GMDS: variants seen among roughly 807,000 people sequenced by gnomAD.
The protein encoded by GMDS is GDP-mannose 4,6 dehydratase.
A neutral mutation model predicts 49.9 loss-of-function variants in GMDS; 20 were observed. The observed-to-expected ratio is 0.40, with a 90% CI of 0.28 to 0.58. The LOEUF (loss-of-function observed/expected upper bound fraction) is 0.58. Among genes scored for constraint, GMDS ranks in the 20% least tolerant of loss-of-function variants. The pLI is 0.42. For missense variants in GMDS, 362 were observed against 481.4 expected, an observed-to-expected ratio of 0.75 and a Z score of 2.32; for synonymous variants, 177 against 178.6, an observed-to-expected ratio of 0.99 and a Z score of 0.07.
At chr6:1,848,067 C>T (rs1177229001) in intron 7 of GMDS, among the ~76,000 whole-genome samples, 1 of 152,170 alleles carries the variant, frequency 6.6e-6, no homozygotes, top group South Asian at 2.1e-4. Flanking sequence ...AGAAGGCAGG[C>T]ACTGCTGTTA....
At chr6:2,032,945 T>G (rs537634584) in intron 4 of GMDS, among the ~76,000 whole-genome samples, 1 of 152,324 alleles carries the variant, frequency 6.6e-6, no homozygotes, top group South Asian at 2.1e-4. Context: ...CTGGAACTTC[T>G]CAAATTTCAT....
chr6:2,090,986 C>T (rs951163687), intron 4 of GMDS, among the ~76,000 whole-genome samples: 6 of 152,182 alleles, frequency 3.9e-5, no homozygotes, highest in African/African-American at 1.4e-4. Flanking sequence ...TTAGGGTGTA[C>T]ACTGTGGACT....
intron 9 of GMDS, among the ~76,000 whole-genome samples, chr6:1,648,292 C>A (rs1267355409): frequency 6.6e-6 from 1 of 152,190 alleles, no homozygotes; most frequent in East Asian, 1.9e-4. Flanking sequence ...ACGCTGGATA[C>A]ATTTCATGTT....
chr6:1,714,456 C>G (rs995975129), intron 9 of GMDS, among the ~76,000 whole-genome samples: 11 of 151,740 alleles, frequency 7.2e-5, no homozygotes, highest in Non-Finnish European at 1.3e-4. Context: ...AAAGGAATAT[C>G]ATGCCACCAG....
chr6:1,797,278 C>T (rs188574298), intron 7 of GMDS, among the ~76,000 whole-genome samples: 6 of 152,316 alleles, frequency 3.9e-5, no homozygotes, highest in Non-Finnish European at 7.3e-5. Flanking sequence ...CCCCACCCCC[C>T]AGTCAGTGGA....
At chr6:1,880,594 T>C (rs1759315275) in intron 7 of GMDS, among the ~76,000 whole-genome samples, 3 of 152,204 alleles carry the variant, frequency 2.0e-5, no homozygotes, top group African/African-American at 7.2e-5. Flanking sequence ...TTCCTAGCCA[T>C]TGTGGTTAAC....
intron 6 of GMDS, among the ~76,000 whole-genome samples, chr6:1,941,865 T>A (rs1334317020): frequency 6.6e-6 from 1 of 152,100 alleles, no homozygotes; most frequent in Non-Finnish European, 1.5e-5. Flanking sequence ...AAGGCAGAGT[T>A]CAGATGTTCT....
At position 1,813,223 on chromosome 6, in the gene GMDS, T is replaced by TAA. The variant is rs56705761; in HGVS notation, c.772-70639_772-70638dup. Among the ~76,000 whole-genome samples the TAA allele has an allele frequency of 6.2e-3, 525 of 85,230 alleles. 5 individuals are homozygous for TAA. Among genetic ancestry groups the TAA allele is most frequent in the African/African-American group, 0.024 (474 of 19,470 alleles). 55.9% of individuals were successfully genotyped at this position (85,230 alleles called of 152,430 possible). A position where few individuals can be genotyped will look rare whatever the true frequency, so the allele number is the denominator to read the frequency against. On this transcript the variant is annotated intron_variant, in intron 7 of 10. Coordinates refer to ENST00000380815, the MANE Select transcript of GMDS (RefSeq NM_001500.4). Reference sequence around the variant, plus strand: ...TGTGACAGAGCAAGACTCTGTCTCTTAAAAAAAAAAAAAAAAAAAAAAAAA... The same window carrying TAA: ...TGTGACAGAGCAAGACTCTGTCTCTTAAAAAAAAAAAAAAAAAAAAAAAAAAA...
At chr6:2,209,160 A>G (rs1280220314) in intron 1 of GMDS, among the ~76,000 whole-genome samples, 1 of 152,232 alleles carries the variant, frequency 6.6e-6, no homozygotes, top group African/African-American at 2.4e-5. Context: ...ATCTTTTGAG[A>G]TTACTTCCTA....
chr6:1,820,602 C>T (rs879921098), intron 7 of GMDS, among the ~76,000 whole-genome samples: 2 of 152,062 alleles, frequency 1.3e-5, no homozygotes, highest in Admixed American at 1.3e-4. Context: ...TAAATAGAAT[C>T]CTCAAATTCT....
intron 9 of GMDS, among the ~76,000 whole-genome samples, chr6:1,637,873 G>C (rs1378791112): frequency 1.3e-5 from 2 of 152,242 alleles, no homozygotes; most frequent in African/African-American, 4.8e-5. Flanking sequence ...GTGCTGGTAA[G>C]TGGGTAACTT....
intron 4 of GMDS, among the ~76,000 whole-genome samples, chr6:2,093,654 T>A (rs2127478697): frequency 6.6e-6 from 1 of 152,206 alleles, no homozygotes; most frequent in East Asian, 1.9e-4. Flanking sequence ...GCCAATGAAA[T>A]GTTGCTTATT....
At chr6:2,145,098 T>C (rs942882052) in intron 1 of GMDS, among the ~76,000 whole-genome samples, 13 of 152,316 alleles carry the variant, frequency 8.5e-5, no homozygotes, top group African/African-American at 3.1e-4. Flanking sequence ...TGGGCAAGAA[T>C]CCCTAATTTT....
chr6:2,023,755 A>G (rs1396247802), intron 4 of GMDS, among the ~76,000 whole-genome samples: 1 of 152,216 alleles, frequency 6.6e-6, no homozygotes, highest in African/African-American at 2.4e-5. Flanking sequence ...ATCATGCTCT[A>G]AAAGACAGAG....
At chr6:1,966,949 A>G (rs1764295870) in intron 4 of GMDS, among the ~76,000 whole-genome samples, 1 of 152,114 alleles carries the variant, frequency 6.6e-6, no homozygotes, top group Non-Finnish European at 1.5e-5. Flanking sequence ...TAACTAGTTC[A>G]ATTTGAGTCC....
chr6:2,113,348 C>T (rs1323736379), intron 4 of GMDS, among the ~76,000 whole-genome samples: 1 of 152,072 alleles, frequency 6.6e-6, no homozygotes, highest in African/African-American at 2.4e-5. Flanking sequence ...TCTTCTTAAG[C>T]CCTACCTCTA....
chr6:2,117,361 G>A, intron 3 of GMDS, 108 bp downstream of exon 3: 1 of 725,266 alleles, frequency 1.4e-6, no homozygotes, highest in South Asian at 1.6e-5. Flanking sequence ...AAGTAATTGT[G>A]ACTTGTTGGG....
intron 7 of GMDS, among the ~76,000 whole-genome samples, chr6:1,857,569 T>C (rs1757991105): frequency 6.6e-6 from 1 of 152,184 alleles, no homozygotes; most frequent in African/African-American, 2.4e-5. Flanking sequence ...TCAGGATGCC[T>C]CTTATGGTTA....
At chr6:2,169,418 C>A (rs922315728) in intron 1 of GMDS, among the ~76,000 whole-genome samples, 1 of 151,772 alleles carries the variant, frequency 6.6e-6, no homozygotes, top group African/African-American at 2.4e-5. Flanking sequence ...ACCAGCTTGG[C>A]CAACATGGTA....
Sources: gnomAD v4.1 joint callset for allele counts (sites outside exome capture counted in the v4.1 genomes callset) on GRCh38, gnomAD v4.1.1 for gene constraint, MANE v1.5 for transcripts, NCBI Gene and HGNC (gene_info 2026-07-23, HGNC 2026-07-21) for gene names.